Variants in MGAT4C observed in about 807,000 individuals in gnomAD.
MGAT4C encodes the protein alpha-1,3-mannosyl-glycoprotein 4-beta-N-acetylglucosaminyltransferase C.
MGAT4C carries 19 observed loss-of-function variants against 40.1 expected under a neutral mutation model. That is an observed-to-expected ratio of 0.47 (90% CI 0.33 to 0.70). MGAT4C has a LOEUF of 0.70. Among genes scored for constraint, MGAT4C ranks in the 30% least tolerant of loss-of-function variants. The probability of loss-of-function intolerance (pLI) is 0.02; values close to 1 mark genes in which losing one functional copy is unlikely to be tolerated. For synonymous variants in MGAT4C, 181 were observed against 187.1 expected (o/e 0.97, Z 0.27); for missense variants, 491 against 563.2 (o/e 0.87, Z 1.30).
At chr12:86,430,710 G>A (rs1314198994) in intron 3 of MGAT4C, among the ~76,000 whole-genome samples, 1 of 152,146 alleles carries the variant, frequency 6.6e-6, no homozygotes, top group Admixed American at 6.6e-5. Context: ...CCAAGGTTAG[G>A]TGGAGTCATT....
intron 3 of MGAT4C, among the ~76,000 whole-genome samples, chr12:86,411,124 T>C (rs1956594571): frequency 6.6e-6 from 1 of 152,168 alleles, no homozygotes; most frequent in Non-Finnish European, 1.5e-5. Flanking sequence ...ATTATGTTGG[T>C]GTAAAAATAG....
At chr12:86,493,645 C>T (rs984286002) in intron 2 of MGAT4C, among the ~76,000 whole-genome samples, 6 of 109,442 alleles carry the variant, frequency 5.5e-5, no homozygotes, top group Admixed American at 2.3e-4. Flanking sequence ...TGGGGACTGT[C>T]GTGGGGTGGG....
At chr12:86,042,305 T>C (rs1264151554) in intron 2 of MGAT4C, among the ~76,000 whole-genome samples, 1 of 152,234 alleles carries the variant, frequency 6.6e-6, no homozygotes, top group African/African-American at 2.4e-5. Flanking sequence ...TTAGCCTGGT[T>C]ACATTCAAGG....
At chr12:86,250,383 A>G (rs1952224948) in intron 1 of MGAT4C, among the ~76,000 whole-genome samples, 2 of 151,112 alleles carry the variant, frequency 1.3e-5, no homozygotes, top group South Asian at 4.2e-4. Flanking sequence ...TTTTTAAAAT[A>G]AAAACATACT....
intron 3 of MGAT4C, among the ~76,000 whole-genome samples, chr12:86,371,522 A>G (rs560255031): frequency 6.6e-6 from 1 of 152,122 alleles, no homozygotes; most frequent in Admixed American, 6.6e-5. Context: ...ACCCCTCACT[A>G]GGTAACAGTG....
chr12:86,240,837 C>T (rs1010164465), intron 1 of MGAT4C, among the ~76,000 whole-genome samples: 1 of 151,988 alleles, frequency 6.6e-6, no homozygotes, highest in African/African-American at 2.4e-5. Context: ...ATCAACGTTG[C>T]CTGTTGAAAT....
At chr12:86,781,751 T>C (rs1274950764) in intron 1 of MGAT4C, among the ~76,000 whole-genome samples, 1 of 152,156 alleles carries the variant, frequency 6.6e-6, no homozygotes, top group Non-Finnish European at 1.5e-5. Flanking sequence ...TTCCTATAGA[T>C]AACAAATCTA....
intron 2 of MGAT4C, among the ~76,000 whole-genome samples, chr12:86,499,879 G>A (rs958379033): frequency 1.3e-5 from 2 of 151,906 alleles, no homozygotes; most frequent in Non-Finnish European, 2.9e-5. Flanking sequence ...CAAAAATGAA[G>A]TTTCCAGGAT....
At chr12:86,681,580 A>T (rs1329761278) in intron 2 of MGAT4C, among the ~76,000 whole-genome samples, 1 of 151,988 alleles carries the variant, frequency 6.6e-6, no homozygotes, top group Non-Finnish European at 1.5e-5. Flanking sequence ...GCAAAAAGAA[A>T]AAAAAAGAAT....
chr12:85,983,012 C>T (rs992823155), intron 4 of MGAT4C, among the ~76,000 whole-genome samples: 2 of 152,052 alleles, frequency 1.3e-5, no homozygotes, highest in African/African-American at 4.8e-5. Flanking sequence ...GGAGTGGGGA[C>T]CTGCCAGCAC....
intron 2 of MGAT4C, among the ~76,000 whole-genome samples, chr12:86,469,250 A>G (rs1957724490): frequency 6.6e-6 from 1 of 152,070 alleles, no homozygotes; most frequent in East Asian, 1.9e-4. Flanking sequence ...TCTGATATTT[A>G]CCCTGTTGTG....
At chr12:86,084,503 G>C (rs1275051952) in intron 1 of MGAT4C, among the ~76,000 whole-genome samples, 1 of 151,626 alleles carries the variant, frequency 6.6e-6, no homozygotes, top group African/African-American at 2.4e-5. Flanking sequence ...TTGCCTTTTT[G>C]CCATGTATAT....
chr12:86,400,500 G>A (rs1421866648), intron 3 of MGAT4C, among the ~76,000 whole-genome samples: 1 of 152,122 alleles, frequency 6.6e-6, no homozygotes, highest in Non-Finnish European at 1.5e-5. Flanking sequence ...TGGTTGGAAT[G>A]CAGATTAGAT....
At chr12:86,667,073 A>G (rs937435516) in intron 2 of MGAT4C, among the ~76,000 whole-genome samples, 4 of 152,206 alleles carry the variant, frequency 2.6e-5, no homozygotes, top group South Asian at 2.1e-4. Flanking sequence ...TATTTCTTAT[A>G]TGAAACTTTC....
intron 2 of MGAT4C, among the ~76,000 whole-genome samples, chr12:86,700,593 G>A (rs753473183): frequency 2.8e-4 from 43 of 152,222 alleles, no homozygotes; most frequent in Non-Finnish European, 5.3e-4. Context: ...GGTTACGTAT[G>A]TATTATAGTG....
At chr12:86,685,963 C>T (rs917867650) in intron 2 of MGAT4C, among the ~76,000 whole-genome samples, 33 of 151,504 alleles carry the variant, frequency 2.2e-4, no homozygotes, top group African/African-American at 5.8e-4. Flanking sequence ...CCCAGGTTCA[C>T]GCCATTCTCC....
intron 1 of MGAT4C, among the ~76,000 whole-genome samples, chr12:86,191,751 GGTGTGTGT>G (rs570173863): frequency 3.0e-5 from 3 of 98,466 alleles, no homozygotes; most frequent in African/African-American, 7.7e-5. Flanking sequence ...AGGAGATAAA[GGTGTGTGT>G]GTGTGTGTGT....
At chr12:86,213,890 T>C (rs1950574327) in intron 1 of MGAT4C, among the ~76,000 whole-genome samples, 1 of 152,204 alleles carries the variant, frequency 6.6e-6, no homozygotes, top group Admixed American at 6.5e-5. Context: ...TGAAATCAAA[T>C]CCCATCACAC....
chr12:86,834,041 G>A (rs1952985564), intron 1 of MGAT4C, among the ~76,000 whole-genome samples: 2 of 151,636 alleles, frequency 1.3e-5, no homozygotes, highest in South Asian at 2.1e-4. Context: ...ATTTCATTGT[G>A]TATATATACC....
Sources: gnomAD v4.1 joint callset for allele counts (sites outside exome capture counted in the v4.1 genomes callset) on GRCh38, gnomAD v4.1.1 for gene constraint, MANE v1.5 for transcripts, NCBI Gene and HGNC (gene_info 2026-07-23, HGNC 2026-07-21) for gene names.